SGCD: variants seen among roughly 807,000 people sequenced by gnomAD.
SGCD encodes the protein delta-sarcoglycan.
Under a neutral mutation model 36.6 loss-of-function variants are expected in SGCD, and 18 were observed. The observed-to-expected ratio is 0.49, with a 90% CI of 0.34 to 0.73. SGCD has a LOEUF of 0.73. SGCD is among the 30% of genes least tolerant of loss of function. SGCD has a pLI of 0.01. For missense variants in SGCD, 387 were observed against 346.7 expected, an observed-to-expected ratio of 1.12 and a Z score of -0.92; for synonymous variants, 133 against 130.6, an observed-to-expected ratio of 1.02 and a Z score of -0.12.
chr5:156,234,966 G>A (rs1765118114), intron 3 of SGCD, among the ~76,000 whole-genome samples: 1 of 152,066 alleles, frequency 6.6e-6, no homozygotes, highest in Admixed American at 6.5e-5. Context: ...CTGATACAAG[G>A]GAAGAAGGGT....
At chr5:156,015,438 A>C (rs934814205) in intron 1 of SGCD, among the ~76,000 whole-genome samples, 2 of 152,058 alleles carry the variant, frequency 1.3e-5, no homozygotes, top group Non-Finnish European at 2.9e-5. Flanking sequence ...TTCCAGCTCC[A>C]GAAGCATATA....
chr5:156,757,562 G>A lies in SGCD; in HGVS notation c.576-19G>A, dbSNP rs1360879567. On this transcript the variant is annotated intron_variant, in intron 7 of 8. Coordinates refer to ENST00000337851, the MANE Select transcript of SGCD (RefSeq NM_000337.6). Reference sequence around the variant, plus strand: ...AAAAGAAAAAGGGATCTTTATTGACGATCTTGGGTGTTTTTCAGGTTGGAG... The same window carrying A: ...AAAAGAAAAAGGGATCTTTATTGACAATCTTGGGTGTTTTTCAGGTTGGAG... 13 of 1,480,656 alleles carry A rather than the reference G, an allele frequency of 8.8e-6. No individual in the cohort carries two copies. The highest frequency in any genetic ancestry group is 7.3e-5 in the Admixed American group (4 of 55,036). 91.7% of individuals were successfully genotyped at this position (1,480,656 alleles called of 1,614,324 possible).
At chr5:156,074,424 A>T (rs970200178) in intron 1 of SGCD, among the ~76,000 whole-genome samples, 4 of 152,200 alleles carry the variant, frequency 2.6e-5, no homozygotes, top group African/African-American at 9.6e-5. Context: ...AAATTATTTT[A>T]AAAATGTGTA....
chr5:156,239,890 T>C (rs1314867608), intron 3 of SGCD, among the ~76,000 whole-genome samples: 1 of 152,198 alleles, frequency 6.6e-6, no homozygotes, highest in Non-Finnish European at 1.5e-5. Flanking sequence ...TTGCTGAGAC[T>C]CCTTTATTTG....
At chr5:156,722,888 G>T (rs1451982918) in intron 7 of SGCD, among the ~76,000 whole-genome samples, 1 of 152,144 alleles carries the variant, frequency 6.6e-6, no homozygotes, top group Non-Finnish European at 1.5e-5. Flanking sequence ...CTTTTTGTGG[G>T]GACCCAGCCA....
At chr5:156,104,885 A>C (rs1761607405) in intron 1 of SGCD, among the ~76,000 whole-genome samples, 1 of 152,192 alleles carries the variant, frequency 6.6e-6, no homozygotes, top group Admixed American at 6.6e-5. Flanking sequence ...TCTGGGATTA[A>C]ATGAGATCTT....
At chr5:156,267,708 G>C (rs889382431) in intron 3 of SGCD, among the ~76,000 whole-genome samples, 25 of 152,190 alleles carry the variant, frequency 1.6e-4, no homozygotes, top group African/African-American at 6.0e-4. Flanking sequence ...AAAAGTTTAG[G>C]CCTACTGGTA....
intron 3 of SGCD, among the ~76,000 whole-genome samples, chr5:156,216,604 A>G (rs1407603975): frequency 2.6e-5 from 4 of 152,150 alleles, no homozygotes; most frequent in Admixed American, 6.5e-5. Context: ...TTTAAATACA[A>G]TGTGAGATTT....
chr5:156,326,363 A>G (rs1767815954), upstream of SGCD, among the ~76,000 whole-genome samples: 1 of 152,110 alleles, frequency 6.6e-6, no homozygotes, highest in African/African-American at 2.4e-5. Flanking sequence ...TCTCTTTTCT[A>G]TTTTCCATAA....
chr5:156,565,875 C>T (rs1759459609), intron 4 of SGCD, among the ~76,000 whole-genome samples: 1 of 152,178 alleles, frequency 6.6e-6, no homozygotes, highest in African/African-American at 2.4e-5. Context: ...ATGACATGAC[C>T]TCATCCTTTT....
chr5:156,050,856 T>C (rs998997), intron 1 of SGCD, among the ~76,000 whole-genome samples: 18,760 of 146,336 alleles, frequency 0.13, 4,186 homozygotes, highest in African/African-American at 0.39. Context: ...TTCTCACCAT[T>C]GTGCCTCCAT....
chr5:156,454,614 A>C (rs1292655949), intron 3 of SGCD, among the ~76,000 whole-genome samples: 3 of 152,160 alleles, frequency 2.0e-5, no homozygotes, highest in African/African-American at 4.8e-5. Context: ...GCAATTATCA[A>C]CTGGTGGTGG....
intron 3 of SGCD, among the ~76,000 whole-genome samples, chr5:156,249,708 A>G (rs1319264571): frequency 1.5e-5 from 2 of 132,976 alleles, no homozygotes; most frequent in Non-Finnish European, 3.3e-5. Context: ...TTACTTCATA[A>G]GGTTATTGTA....
At chr5:156,293,845 G>A (rs1434512560) in intron 3 of SGCD, among the ~76,000 whole-genome samples, 3 of 151,864 alleles carry the variant, frequency 2.0e-5, no homozygotes, top group African/African-American at 7.3e-5. Context: ...TCTACTGCAA[G>A]AAAGAAAGAA....
At chr5:156,080,478 C>G (rs1760921906) in intron 1 of SGCD, among the ~76,000 whole-genome samples, 2 of 152,196 alleles carry the variant, frequency 1.3e-5, no homozygotes, top group African/African-American at 4.8e-5. Flanking sequence ...ATTTTCCAAA[C>G]ATTTTTTGAT....
At chr5:156,495,310 A>G (rs897433803) in intron 3 of SGCD, among the ~76,000 whole-genome samples, 8 of 152,160 alleles carry the variant, frequency 5.3e-5, no homozygotes, top group Non-Finnish European at 1.0e-4. Flanking sequence ...TTTGGACATT[A>G]TAACTTGAGG....
chr5:156,145,792 G>T (rs1762696039), intron 3 of SGCD, among the ~76,000 whole-genome samples: 1 of 152,108 alleles, frequency 6.6e-6, no homozygotes, highest in Non-Finnish European at 1.5e-5. Context: ...TCTCTAAAGA[G>T]AATGAAAGAC....
chr5:155,826,735 C>A, the SGCD span, among the ~76,000 whole-genome samples: 1 of 152,210 alleles, frequency 6.6e-6, no homozygotes, highest in South Asian at 2.1e-4. Context: ...TCTCCCTCAA[C>A]TGTAGTGCAG....
At chr5:156,642,461 CTTTTTTTTTTTTTT>C (rs58501471) in intron 6 of SGCD, among the ~76,000 whole-genome samples, 8 of 80,046 alleles carry the variant, frequency 1.0e-4, no homozygotes, top group Admixed American at 1.5e-4. Flanking sequence ...CAGCATCAGT[CTTTTTTTTTTTTTT>C]TTTTTTTTTT....
Sources: allele counts gnomAD v4.1 joint callset (sites outside exome capture counted in the v4.1 genomes callset), GRCh38; gene constraint gnomAD v4.1.1; transcripts MANE v1.5; gene names NCBI Gene and HGNC (gene_info 2026-07-23, HGNC 2026-07-21).